MALSU1: variants seen among roughly 807,000 people sequenced by gnomAD.
MALSU1 encodes the protein mitochondrial assembly of ribosomal large subunit protein 1.
In MALSU1, 22 loss-of-function variants were observed where a neutral mutation model predicts 22.1. The ratio of observed to expected loss-of-function variants is 1.00; its 90% confidence interval spans 0.71 to 1.42. The LOEUF is 1.42. Among genes scored for constraint, MALSU1 ranks in the 40% most tolerant of loss-of-function variants. MALSU1 has a pLI of 0.00. For missense variants in MALSU1, 379 were observed against 308.3 expected (o/e 1.23, Z -1.72); for synonymous variants, 153 against 118.5 (o/e 1.29, Z -1.89).
At chr7:23,300,307 T>C (rs1783624042) in intron 1 of MALSU1, among the ~76,000 whole-genome samples, 1 of 152,170 alleles carries the variant, frequency 6.6e-6, no homozygotes, top group African/African-American at 2.4e-5. Flanking sequence ...TACTCAAAAA[T>C]GTAGCTCTTT....
chr7:23,299,513 C>T lies in MALSU1; in HGVS notation c.161C>T (p.Thr54Ile). ...VGAAFCRACQ[T>I]PNFVRGLHSE... ...GCAGCGTTCTGCCGGGCTTGCCAGA[C>T]CCCAAACTTTGTCCGCGGCCTGCAC... Residue 54 changes from threonine (T) to isoleucine (I), a missense_variant, in exon 1 of 4, where the codon ACC becomes ATC. Coordinates refer to ENST00000466681, the MANE Select transcript of MALSU1 (RefSeq NM_138446.2). 6.2e-7 allele frequency: 1 copy of T among 1,612,770 alleles called. No individual in the cohort carries two copies. Among genetic ancestry groups the T allele is most frequent in the Non-Finnish European group, 8.5e-7 (1 of 1,179,882 alleles).
intron 2 of MALSU1, among the ~76,000 whole-genome samples, chr7:23,305,621 C>T (rs1056599156): frequency 6.6e-6 from 1 of 152,144 alleles, no homozygotes; most frequent in African/African-American, 2.4e-5. Context: ...AGGTGATGCA[C>T]CCGCCTTGGC....
Position 23,309,910 on chromosome 7 carries a change from A to ATAAT in MALSU1, c.*368_*371dup, listed in dbSNP as rs1419110597. 1 of 154,930 alleles carries ATAAT rather than the reference A, an allele frequency of 6.5e-6. No individual in the cohort carries two copies. Among genetic ancestry groups the ATAAT allele is most frequent in the African/African-American group, 2.4e-5 (1 of 41,534 alleles). The allele number at this position is 154,930 out of a possible 1,614,324, so 9.6% of individuals were successfully genotyped here. On this transcript the variant is annotated 3_prime_UTR_variant, in exon 4 of 4. Coordinates refer to ENST00000466681, the MANE Select transcript of MALSU1 (RefSeq NM_138446.2). ...AATGGAATGGCAAAAATTTTAAAAA[A>ATAAT]TAATATAAAACATAGCCCACTGGTC...
intron 2 of MALSU1, among the ~76,000 whole-genome samples, chr7:23,302,901 T>C (rs1350993438): frequency 6.6e-6 from 1 of 152,142 alleles, no homozygotes; most frequent in Non-Finnish European, 1.5e-5. Flanking sequence ...CTAAGCCTCC[T>C]GAGTAGGTGG....
At chr7:23,300,540 C>T (rs156405) in intron 1 of MALSU1, among the ~76,000 whole-genome samples, 6,183 of 152,184 alleles carry the variant, frequency 0.041, 205 homozygotes, top group South Asian at 0.11. Context: ...GTGTATTGCT[C>T]CTTTTAAGTA....
Position 23,309,497 on chromosome 7 carries a change from A to G in MALSU1, c.659A>G (p.Glu220Gly). 1 of 1,611,914 alleles carries G rather than the reference A, an allele frequency of 6.2e-7. No homozygotes were observed. Among genetic ancestry groups the G allele is most frequent in the Non-Finnish European group, 8.5e-7 (1 of 1,179,346 alleles). Residue 220 changes from glutamate (E) to glycine (G), a missense_variant, in exon 4 of 4, where the codon GAA (glutamate) becomes GGA (glycine). Transcript: ENST00000466681. ...CCTGAAGACTTCATTCTTGGAATAG[A>G]AGATGATACTTCATCTGTGACTCCA... Reference protein sequence around the residue: ...TVPEDFILGIEDDTSSVTPVE... With the variant: ...TVPEDFILGIGDDTSSVTPVE...
At chr7:23,300,809 C>G in intron 1 of MALSU1, 30 bp from the exon 2 acceptor site, 1 of 1,596,742 alleles carries the variant, frequency 6.3e-7, no homozygotes, top group Non-Finnish European at 8.6e-7. Context: ...CTTGGCCATC[C>G]TGATACAAAC....
intron 2 of MALSU1, among the ~76,000 whole-genome samples, chr7:23,302,096 G>T (rs1369911588): frequency 6.6e-6 from 1 of 152,162 alleles, no homozygotes; most frequent in African/African-American, 2.4e-5. Flanking sequence ...ATTGTAAAAC[G>T]TTCTATTGGA....
intron 2 of MALSU1, chr7:23,307,658 CAGG>C (rs1012931891): frequency 2.3e-5 from 11 of 487,210 alleles, no homozygotes; most frequent in African/African-American, 4.0e-5. Context: ...AGGGCTGGGG[CAGG>C]AGAATTCAGG....
chr7:23,307,495 T>C (rs1374965926), intron 2 of MALSU1, among the ~76,000 whole-genome samples: 1 of 152,192 alleles, frequency 6.6e-6, no homozygotes, highest in African/African-American at 2.4e-5. Flanking sequence ...AACCTGGCTT[T>C]ATAAACAGAA....
intron 2 of MALSU1, among the ~76,000 whole-genome samples, chr7:23,303,748 G>T (rs1783687894): frequency 6.6e-6 from 1 of 150,680 alleles, no homozygotes; most frequent in Non-Finnish European, 1.5e-5. Flanking sequence ...GCTTGAGGCT[G>T]CAGTGAGCCA....
chr7:23,300,976 A>C lies in MALSU1; in HGVS notation c.394A>C (p.Thr132Pro). The change falls in exon 2 of 4, where the codon ACC (threonine) becomes CCC (proline). Residue 132 changes from threonine to proline, a missense_variant. Physicochemically the swap from Thr to Pro is conservative, Grantham distance 38. Transcript: ENST00000466681. Reference sequence around the variant, plus strand: ...CTTTGTGATTGTTAGTGGAACTTCTACCCGACACTTACATGCCATGGCCTT... The same window carrying C: ...CTTTGTGATTGTTAGTGGAACTTCTCCCCGACACTTACATGCCATGGCCTT... Reference protein sequence around the residue: ...DYFVIVSGTSTRHLHAMAFYV... With the variant: ...DYFVIVSGTSPRHLHAMAFYV... 2 of 1,613,988 alleles carry C rather than the reference A, an allele frequency of 1.2e-6. No individual in the cohort carries two copies. The highest frequency in any genetic ancestry group is 1.7e-6 in the Non-Finnish European group (2 of 1,179,956).
intron 2 of MALSU1, among the ~76,000 whole-genome samples, chr7:23,302,513 A>G (rs1057479870): frequency 1.3e-5 from 2 of 152,324 alleles, no homozygotes; most frequent in East Asian, 3.9e-4. Context: ...TTGGAGAGAT[A>G]GGGAGAGAAC....
At chr7:23,301,946 T>C (rs947443886) in intron 2 of MALSU1, among the ~76,000 whole-genome samples, 2 of 150,132 alleles carry the variant, frequency 1.3e-5, no homozygotes, top group Non-Finnish European at 2.9e-5. Context: ...TCCAGCCTGG[T>C]GACAGAGCCA....
chr7:23,301,896 G>A (rs1783653706), intron 2 of MALSU1, among the ~76,000 whole-genome samples: 2 of 151,844 alleles, frequency 1.3e-5, no homozygotes, highest in South Asian at 4.1e-4. Flanking sequence ...TTGAACCTGG[G>A]AGGCGGAGGT....
Position 23,309,499 on chromosome 7 carries a change from G to A in MALSU1, c.661G>A (p.Asp221Asn). Reference protein sequence around the residue: ...VPEDFILGIEDDTSSVTPVEL... With the variant: ...VPEDFILGIENDTSSVTPVEL... ...TGAAGACTTCATTCTTGGAATAGAA[G>A]ATGATACTTCATCTGTGACTCCAGT... The change falls in exon 4 of 4, where the codon GAT becomes AAT. Residue 221 changes from aspartate (D) to asparagine (N), a missense_variant. By Grantham distance (23) the Asp-to-Asn change is conservative. Transcript: ENST00000466681. 1 of 1,611,454 alleles carries A rather than the reference G, an allele frequency of 6.2e-7. No individual in the cohort carries two copies. Among genetic ancestry groups the A allele is most frequent in the Non-Finnish European group, 8.5e-7 (1 of 1,179,210 alleles).
At chr7:23,299,714 C>A in intron 1 of MALSU1, 106 bp downstream of exon 1, 1 of 1,272,262 alleles carries the variant, frequency 7.9e-7, no homozygotes, top group Non-Finnish European at 1.1e-6. Flanking sequence ...CTCTTGGAGT[C>A]ACAAAACTCC....
In MALSU1 at chr7:23,300,927, TC is replaced by T. The variant is rs1168248707; in HGVS notation, c.347del (p.Pro116GlnfsTer3). On this transcript the variant is annotated frameshift_variant, in exon 2 of 4. Transcript: ENST00000466681. LOFTEE classifies it high-confidence loss of function. The part of the protein sequence containing the change: ...ARDICVIQVP[P>X]EMRYTDYFVI... ...GAGACATTTGTGTGATCCAGGTTCC[TC>T]CAGAAATGAGATATACAGATTACTT... is the stretch of plus-strand genomic sequence containing the variant. 6.2e-7 allele frequency: 1 copy of T among 1,613,994 alleles called. No individual in the cohort carries two copies. Among genetic ancestry groups the T allele is most frequent in the Non-Finnish European group, 8.5e-7 (1 of 1,179,906 alleles).
At chr7:23,301,055 AGT>A in intron 2 of MALSU1, 38 bp downstream of exon 2, 1 of 1,560,792 alleles carries the variant, frequency 6.4e-7, no homozygotes. Context: ...CCATTAACTG[AGT>A]GGAATAGTGA....
Sources: allele counts gnomAD v4.1 joint callset (sites outside exome capture counted in the v4.1 genomes callset), GRCh38; gene constraint gnomAD v4.1.1; transcripts MANE v1.5; gene names NCBI Gene and HGNC (gene_info 2026-07-23, HGNC 2026-07-21).